The following ADGRA2 variants were observed in gnomAD, a reference collection of about 807,000 sequenced individuals.
The protein encoded by ADGRA2 is adhesion G protein-coupled receptor A2.
In ADGRA2, 61 loss-of-function variants were observed where a neutral mutation model predicts 98.7. That is an observed-to-expected ratio of 0.62 (90% CI 0.50 to 0.76). ADGRA2 has a LOEUF of 0.76. Among genes scored for constraint, ADGRA2 ranks in the 30% least tolerant of loss-of-function variants. The probability of loss-of-function intolerance (pLI) is 0.00; values close to 1 mark genes in which losing one functional copy is unlikely to be tolerated. For missense variants in ADGRA2, 1,712 were observed against 1,860.0 expected, an observed-to-expected ratio of 0.92 and a Z score of 1.46; for synonymous variants, 858 against 831.5, an observed-to-expected ratio of 1.03 and a Z score of -0.55.
intron 2 of ADGRA2, among the ~76,000 whole-genome samples, chr8:37,818,357 C>G (rs192440326): frequency 1.2e-4 from 18 of 152,368 alleles, no homozygotes; most frequent in Non-Finnish European, 2.1e-4. Context: ...CCTGTCTCCT[C>G]ATCCTTCAGT....
chr8:37,822,361 G>GC (rs1200357574), intron 2 of ADGRA2, among the ~76,000 whole-genome samples: 1 of 149,480 alleles, frequency 6.7e-6, no homozygotes, highest in African/African-American at 2.5e-5. Flanking sequence ...ACTCTCTGCG[G>GC]CCCCACCCTG....
chr8:37,838,885 A>C, intron 14 of ADGRA2, 71 bp from the exon 15 acceptor site: 22 of 1,497,788 alleles, frequency 1.5e-5, no homozygotes, highest in South Asian at 2.7e-5. Flanking sequence ...GGGCCTGGGA[A>C]GAGGAAAGCT....
intron 15 of ADGRA2, 178 bp downstream of exon 15, chr8:37,839,261 G>T: frequency 1.7e-6 from 1 of 584,136 alleles, no homozygotes; most frequent in African/African-American, 2.0e-5. Flanking sequence ...ACTCACTGAG[G>T]ACTTGGCAGG....
intron 8 of ADGRA2, among the ~76,000 whole-genome samples, chr8:37,832,162 C>G (rs557082106): frequency 6.6e-5 from 10 of 151,300 alleles, no homozygotes; most frequent in African/African-American, 2.4e-4. Flanking sequence ...AGTGCAATGG[C>G]ATGATCTTGT....
Position 37,813,727 on chromosome 8 carries a change from A to G in ADGRA2, c.267-1169A>G, listed in dbSNP as rs180673253. ...TAGAAAGCCCCTTCAACTCTTTTCC[A>G]TGCTTCCCTCCATCCTGGCCACTGT... On this transcript the variant is annotated intron_variant, in intron 1 of 18. Coordinates refer to ENST00000412232, the MANE Select transcript of ADGRA2 (RefSeq NM_032777.10). 2.6e-5 allele frequency among the ~76,000 whole-genome samples: 4 copies of G among 152,088 alleles called. No homozygotes were observed. The East Asian group carries it at 7.7e-4, about 29-fold the overall frequency.
At chr8:37,827,154 A>G (rs904111838) in intron 2 of ADGRA2, among the ~76,000 whole-genome samples, 9 of 152,306 alleles carry the variant, frequency 5.9e-5, no homozygotes, top group Admixed American at 4.6e-4. Context: ...CATGAGCTCT[A>G]TGGAGCCTGA....
rs767967328 is a variant in ADGRA2 at position 37,840,179 on chromosome 8, C to T, written c.2570C>T (p.Ala857Val). ...LSTLLWMGVK[A>V]RVLHKELTWR... ...ACGCTGCTCTGGATGGGCGTGAAGG[C>T]GCGAGTGCTCCATAAGGAGCTCACC... Residue 857 changes from alanine (A) to valine (V), a missense_variant, in exon 17 of 19, where the codon GCG (alanine) becomes GTG (valine). Ala to Val is a moderately conservative substitution (Grantham distance 64). Transcript: ENST00000412232. 4.0e-5 allele frequency: 64 copies of T among 1,611,610 alleles called. No homozygotes were observed. The highest frequency in any genetic ancestry group is 5.0e-5 in the Non-Finnish European group (59 of 1,179,798).
In ADGRA2 at chr8:37,830,859, G is replaced by A. The variant is rs768235152; in HGVS notation, c.868G>A (p.Gly290Ser). 3 of 1,595,196 alleles carry A rather than the reference G, an allele frequency of 1.9e-6. No individual in the cohort carries two copies. Among genetic ancestry groups the A allele is most frequent in the Non-Finnish European group, 2.6e-6 (3 of 1,171,108 alleles). The part of the protein sequence containing the change: ...RWYHNRAPVE[G>S]DEQAGILLAE... ...GTACCACAACCGAGCCCCTGTGGAG[G>A]GTGATGAGCAGGCGGGCATCCTCCT... The change falls in exon 7 of 19, where the codon GGT becomes AGT. Residue 290 changes from glycine to serine, a missense_variant. Transcript: ENST00000412232. This position sits in a 1 kb window ranked among gnomAD's most constrained non-coding sequence, Gnocchi z 4.8.
At position 37,843,913 on chromosome 8, in the gene ADGRA2, T is replaced by C. The variant is rs1805894887; in HGVS notation, c.*1558T>C. 6.5e-6 allele frequency: 1 copy of C among 153,104 alleles called. No homozygotes were observed. Among genetic ancestry groups the C allele is most frequent in the African/African-American group, 2.4e-5 (1 of 41,430 alleles). 9.5% of individuals were successfully genotyped at this position (153,104 alleles called of 1,614,324 possible). On this transcript the variant is annotated 3_prime_UTR_variant, in exon 19 of 19. Coordinates refer to ENST00000412232, the MANE Select transcript of ADGRA2 (RefSeq NM_032777.10). The stretch of plus-strand genomic sequence containing the variant: ...AGAACTCGGGTTTTATACAATAGAA[T>C]GTTTTCTAGCAGATGCCTCTTGTTT...
At chr8:37,813,293 C>T (rs551868148) in intron 1 of ADGRA2, among the ~76,000 whole-genome samples, 4 of 152,230 alleles carry the variant, frequency 2.6e-5, no homozygotes, top group East Asian at 1.9e-4. Flanking sequence ...CCAGGCCCAC[C>T]AGGGCCTGAT....
intron 1 of ADGRA2, among the ~76,000 whole-genome samples, chr8:37,813,686 C>T (rs1221220705): frequency 2.0e-5 from 3 of 152,154 alleles, no homozygotes; most frequent in Non-Finnish European, 4.4e-5. Context: ...ACCCCTCCCT[C>T]CTCCACCCCT....
chr8:37,815,555 C>T (rs1804955897), intron 2 of ADGRA2, among the ~76,000 whole-genome samples: 1 of 152,216 alleles, frequency 6.6e-6, no homozygotes, highest in African/African-American at 2.4e-5. Context: ...AACCTCATTC[C>T]CAGAGCTGGG....
Position 37,797,539 on chromosome 8 carries a change from G to C in ADGRA2, c.266+5G>C. 2.2e-6 allele frequency: 3 copies of C among 1,388,560 alleles called. No individual in the cohort carries two copies. Among genetic ancestry groups the C allele is most frequent in the Non-Finnish European group, 2.8e-6 (3 of 1,067,020 alleles). 86.0% of individuals were successfully genotyped at this position (1,388,560 alleles called of 1,614,324 possible). On this transcript the variant is annotated splice_donor_5th_base_variant and intron_variant, in intron 1 of 18. Transcript: ENST00000412232. This position sits in a 1 kb window ranked among gnomAD's most constrained non-coding sequence, Gnocchi z 5.3. ...GCCTAACGGCACCGTTACCCTGTGA[G>C]TACCCTACCAGGCCAGTTCCGTCCG... is the stretch of plus-strand genomic sequence containing the variant.
rs778483167 is a variant in ADGRA2 at position 37,842,219 on chromosome 8, C to G, written c.3881C>G (p.Ser1294Trp). 7 of 1,547,432 alleles carry G rather than the reference C, an allele frequency of 4.5e-6. No individual in the cohort carries two copies. Among genetic ancestry groups the G allele is most frequent in the Non-Finnish European group, 6.1e-6 (7 of 1,146,402 alleles). ...CTGGAGAAGGAGAGCCATCGCCGCTCGTACCCGCTCAACGCCGCCAGCCTA... is the reference window on the plus strand; with the variant it reads ...CTGGAGAAGGAGAGCCATCGCCGCTGGTACCCGCTCAACGCCGCCAGCCTA... ...GALEKESHRR[S>W]YPLNAASLNG... The change falls in exon 19 of 19, where the codon TCG (serine) becomes TGG (tryptophan). Residue 1294 changes from serine to tryptophan, a missense_variant. By Grantham distance (177) the Ser-to-Trp change is radical. Coordinates refer to ENST00000412232, the MANE Select transcript of ADGRA2 (RefSeq NM_032777.10).
At chr8:37,808,377 G>A (rs1294152739) in intron 1 of ADGRA2, among the ~76,000 whole-genome samples, 1 of 152,210 alleles carries the variant, frequency 6.6e-6, no homozygotes, top group East Asian at 1.9e-4. Flanking sequence ...GACGGAGCAG[G>A]TTGAGGAGGC....
In ADGRA2 at chr8:37,841,790, C is replaced by T. The variant is rs1267360006; in HGVS notation, c.3452C>T (p.Ala1151Val). The T allele has an allele frequency of 2.0e-6, 3 of 1,531,262 alleles. No homozygotes were observed. The highest frequency in any genetic ancestry group is 2.6e-6 in the Non-Finnish European group (3 of 1,143,690). The allele number at this position is 1,531,262 out of a possible 1,614,324, so 94.9% of individuals were successfully genotyped here. The change falls in exon 19 of 19, where the codon GCG becomes GTG. Residue 1151 changes from alanine to valine, a missense_variant. Transcript: ENST00000412232. The surrounding 1 kb of genome is among the most constrained non-coding windows in gnomAD (Gnocchi z 5.0). ...LAQSQVCEAG[A>V]AAGGEGEPEP... is the part of the protein sequence containing the mutation. ...CAGAGTCAGGTGTGCGAGGCGGGGG[C>T]GGCGGCCGGCGGGGAAGGAGAGCCG...
intron 13 of ADGRA2, 35 bp from the exon 14 acceptor site, chr8:37,837,696 T>G: frequency 2.0e-6 from 3 of 1,487,222 alleles, no homozygotes; most frequent in Non-Finnish European, 2.7e-6. Flanking sequence ...TGACACCCTG[T>G]GTGTGTCTGT....
In ADGRA2 at chr8:37,834,905, G is replaced by T. The variant is rs1373371027; in HGVS notation, c.1609-269G>T. On this transcript the variant is annotated intron_variant, in intron 11 of 18. Coordinates refer to ENST00000412232, the MANE Select transcript of ADGRA2 (RefSeq NM_032777.10). The surrounding 1 kb of genome is among the most constrained non-coding windows in gnomAD (Gnocchi z 4.2). Reference sequence around the variant, plus strand: ...AGATGGGCATGGTAGCATGCCTGTAGTCCCAGATACTCAGGAGGCTGAGGT... The same window carrying T: ...AGATGGGCATGGTAGCATGCCTGTATTCCCAGATACTCAGGAGGCTGAGGT... Among the ~76,000 whole-genome samples the T allele has an allele frequency of 1.3e-5, 2 of 152,022 alleles. No homozygotes were observed. Among genetic ancestry groups the T allele is most frequent in the Non-Finnish European group, 2.9e-5 (2 of 68,000 alleles).
In ADGRA2 at chr8:37,841,996, G is replaced by T; in HGVS notation, c.3658G>T (p.Gly1220Cys). 2 of 1,513,016 alleles carry T rather than the reference G, an allele frequency of 1.3e-6. No homozygotes were observed. Among genetic ancestry groups the T allele is most frequent in the Middle Eastern group, 1.9e-4 (1 of 5,184 alleles). 93.7% of individuals were successfully genotyped at this position (1,513,016 alleles called of 1,614,324 possible). ...GALELLSSES[G>C]SLHNSPTDSY... ...GCTGGAGCTGCTGTCCAGCGAGAGC[G>T]GCAGTCTGCACAACAGCCCCACCGA... Residue 1220 changes from glycine (G) to cysteine (C), a missense_variant, in exon 19 of 19, where the codon GGC becomes TGC. Transcript: ENST00000412232. The surrounding 1 kb of genome is among the most constrained non-coding windows in gnomAD (Gnocchi z 5.0).
Sources: gnomAD v4.1 joint callset for allele counts (sites outside exome capture counted in the v4.1 genomes callset) on GRCh38, gnomAD v4.1.1 for gene constraint, Gnocchi (gnomAD v3.1) non-coding constraint, MANE v1.5 for transcripts, NCBI Gene and HGNC (gene_info 2026-07-23, HGNC 2026-07-21) for gene names.